The following TMEM233 variants were observed in gnomAD, a reference collection of about 807,000 sequenced individuals.
TMEM233 encodes dispanin subfamily B member 2.
In TMEM233, 6 loss-of-function variants were observed where a neutral mutation model predicts 11.2. The ratio of observed to expected loss-of-function variants is 0.54; its 90% CI spans 0.29 to 1.06. TMEM233 has a LOEUF of 1.06. Ranked by LOEUF, TMEM233 falls within the 50% of genes least tolerant of loss-of-function variation. The pLI, the probability that TMEM233 is intolerant of heterozygous loss-of-function variation, is 0.08. For synonymous variants in TMEM233, 59 were observed against 55.8 expected (o/e 1.06, Z -0.26); for missense variants, 127 against 144.7 (o/e 0.88, Z 0.63).
chr12:119,612,697 G>A (rs1954425916), intron 1 of TMEM233, among the ~76,000 whole-genome samples: 1 of 145,990 alleles, frequency 6.8e-6, no homozygotes, highest in South Asian at 2.2e-4. Flanking sequence ...GTTGCAGTGA[G>A]CCAAGATCAC....
intron 1 of TMEM233, among the ~76,000 whole-genome samples, chr12:119,618,136 T>C (rs571827436): frequency 3.5e-4 from 53 of 152,114 alleles, no homozygotes; most frequent in Non-Finnish European, 6.8e-4. Context: ...CCTCAGAGGG[T>C]GCAAGTCCCA....
intron 1 of TMEM233, among the ~76,000 whole-genome samples, chr12:119,625,101 C>T (rs1008392796): frequency 2.0e-5 from 3 of 152,192 alleles, no homozygotes. Context: ...AAAGCAATTC[C>T]TCTTCATTGT....
At chr12:119,650,343 G>A in the TMEM233 span, among the ~76,000 whole-genome samples, 1 of 152,140 alleles carries the variant, frequency 6.6e-6, no homozygotes, top group Non-Finnish European at 1.5e-5. Flanking sequence ...TAATTTGTCT[G>A]AGGCACAACT....
intron 1 of TMEM233, among the ~76,000 whole-genome samples, chr12:119,609,697 C>T (rs1954355371): frequency 2.6e-5 from 4 of 152,218 alleles, no homozygotes; most frequent in African/African-American, 9.6e-5. Context: ...CTTGGGGGCT[C>T]CCACATCGTG....
At chr12:119,634,370 G>T (rs1031116055) in intron 2 of TMEM233, 21 of 661,094 alleles carry the variant, frequency 3.2e-5, no homozygotes, top group Non-Finnish European at 3.6e-5. Flanking sequence ...CAATACCTTG[G>T]GCTGAGGTGG....
chr12:119,645,365 T>C (rs1436092820), downstream of TMEM233, among the ~76,000 whole-genome samples: 1 of 147,588 alleles, frequency 6.8e-6, no homozygotes, highest in East Asian at 2.0e-4. Flanking sequence ...TTCATACTCA[T>C]GGGTTACAAC....
At chr12:119,607,320 A>G (rs1483860344) in intron 1 of TMEM233, among the ~76,000 whole-genome samples, 2 of 152,194 alleles carry the variant, frequency 1.3e-5, no homozygotes, top group Non-Finnish European at 2.9e-5. Flanking sequence ...ATTGGAAACA[A>G]TATCACCTAC....
downstream of TMEM233, among the ~76,000 whole-genome samples, chr12:119,644,475 TTTC>T (rs1955125947): frequency 7.1e-6 from 1 of 140,588 alleles, no homozygotes; most frequent in Non-Finnish European, 1.5e-5. Flanking sequence ...TTCTTTTTCT[TTTC>T]TTTTTTTTTT....
downstream of TMEM233, among the ~76,000 whole-genome samples, chr12:119,643,279 T>TA (rs1955110413): frequency 6.6e-6 from 1 of 152,110 alleles, no homozygotes; most frequent in African/African-American, 2.4e-5. Context: ...CCTATTAAAG[T>TA]AAAAAAATAA....
At position 119,595,571 on chromosome 12, in the gene TMEM233, C is replaced by T. The variant is rs780494357; in HGVS notation, c.186+1537C>T. On this transcript the variant is annotated intron_variant, in intron 1 of 2. Coordinates refer to ENST00000426426, the MANE Select transcript of TMEM233 (RefSeq NM_001136534.3). The surrounding 1 kb of genome is among the most constrained non-coding windows in gnomAD (Gnocchi z 4.3). Reference sequence around the variant, plus strand: ...TTTCTAGCTGTGTGATCTCTGAAGTCACTGCATCTCTGAACCTCAGTCTCT... The same window carrying T: ...TTTCTAGCTGTGTGATCTCTGAAGTTACTGCATCTCTGAACCTCAGTCTCT... Among the ~76,000 whole-genome samples, 11 of 152,216 alleles carry T rather than the reference C, an allele frequency of 7.2e-5. No individual in the cohort carries two copies. The highest frequency in any genetic ancestry group is 1.5e-4 in the Non-Finnish European group (10 of 68,046).
At chr12:119,653,947 T>C in the TMEM233 span, among the ~76,000 whole-genome samples, 1 of 137,514 alleles carries the variant, frequency 7.3e-6, no homozygotes, top group South Asian at 2.3e-4. Flanking sequence ...GTATTAAAAA[T>C]ATCAACCTAC....
At chr12:119,596,888 CA>C (rs1954060416) in intron 1 of TMEM233, among the ~76,000 whole-genome samples, 1 of 152,142 alleles carries the variant, frequency 6.6e-6, no homozygotes, top group African/African-American at 2.4e-5. Context: ...AAGGATGAAA[CA>C]AAACAAAGCA....
chr12:119,607,462 T>A (rs1249649647), intron 1 of TMEM233, among the ~76,000 whole-genome samples: 1 of 152,198 alleles, frequency 6.6e-6, no homozygotes, highest in Non-Finnish European at 1.5e-5. Context: ...TATTATCATT[T>A]CAAATATTCC....
the TMEM233 span, among the ~76,000 whole-genome samples, chr12:119,651,427 C>A: frequency 2.0e-5 from 3 of 152,164 alleles, no homozygotes; most frequent in Non-Finnish European, 2.9e-5. Context: ...GGTCATACAA[C>A]CATTCCTGAA....
At chr12:119,645,021 T>C (rs1955133355), downstream of TMEM233, among the ~76,000 whole-genome samples, 2 of 152,152 alleles carry the variant, frequency 1.3e-5, no homozygotes, top group African/African-American at 2.4e-5. Flanking sequence ...GCCATCACTT[T>C]GCAGGAGAAC....
intron 2 of TMEM233, chr12:119,630,973 A>C (rs1954867975): frequency 6.6e-6 from 1 of 152,178 alleles, no homozygotes; most frequent in Non-Finnish European, 1.5e-5. Flanking sequence ...GTCCCTCTGG[A>C]CTGGGACAAA....
At chr12:119,626,186 A>G (rs1033510986) in intron 1 of TMEM233, among the ~76,000 whole-genome samples, 2 of 152,186 alleles carry the variant, frequency 1.3e-5, no homozygotes, top group Non-Finnish European at 2.9e-5. Flanking sequence ...AGAAAACTAC[A>G]TAGGGCCAGG....
chr12:119,618,655 G>A (rs572852934), intron 1 of TMEM233, among the ~76,000 whole-genome samples: 1 of 152,320 alleles, frequency 6.6e-6, no homozygotes, highest in East Asian at 1.9e-4. Context: ...TTTTGGACTT[G>A]CATGGGGCCT....
chr12:119,652,110 AG>A, the TMEM233 span, among the ~76,000 whole-genome samples: 43,872 of 151,880 alleles, frequency 0.29, 7,698 homozygotes, highest in East Asian at 0.39. Flanking sequence ...ACACTTTTGG[AG>A]AGAAATTTGG....
Sources: gnomAD v4.1 joint callset for allele counts (sites outside exome capture counted in the v4.1 genomes callset) on GRCh38, gnomAD v4.1.1 for gene constraint, Gnocchi (gnomAD v3.1) non-coding constraint, MANE v1.5 for transcripts, NCBI Gene and HGNC (gene_info 2026-07-23, HGNC 2026-07-21) for gene names.